Variants in LRRC4C observed in about 807,000 individuals in gnomAD.
The protein encoded by LRRC4C is leucine-rich repeat-containing protein 4C.
A neutral mutation model predicts 33.6 loss-of-function variants in LRRC4C; 5 were observed. That is an observed-to-expected ratio of 0.15 (90% confidence interval 0.08 to 0.31). LRRC4C has a LOEUF of 0.31. LRRC4C is among the 10% of genes least tolerant of loss of function. LRRC4C has a pLI of 1.00. For synonymous variants in LRRC4C, 329 were observed against 302.0 expected (o/e 1.09, Z -0.93); for missense variants, 560 against 796.7 (o/e 0.70, Z 3.58).
At chr11:40,249,724 G>T (rs1221814699) in intron 4 of LRRC4C, among the ~76,000 whole-genome samples, 1 of 151,850 alleles carries the variant, frequency 6.6e-6, no homozygotes, top group Non-Finnish European at 1.5e-5. Flanking sequence ...AATACTTAAG[G>T]TCTCTGTTCC....
At chr11:41,069,385 C>T (rs1348703438) in intron 1 of LRRC4C, among the ~76,000 whole-genome samples, 1 of 152,144 alleles carries the variant, frequency 6.6e-6, no homozygotes, top group Non-Finnish European at 1.5e-5. Flanking sequence ...TCTCTCACCA[C>T]TCCTATTCAA....
intron 5 of LRRC4C, among the ~76,000 whole-genome samples, chr11:40,217,034 G>A (rs76919493): frequency 1.3e-5 from 2 of 152,150 alleles, no homozygotes; most frequent in Non-Finnish European, 2.9e-5. Flanking sequence ...GTAAATTAGT[G>A]AAGACTAAAA....
At chr11:40,215,054 TG>T (rs1380635707) in intron 5 of LRRC4C, among the ~76,000 whole-genome samples, 5 of 152,156 alleles carry the variant, frequency 3.3e-5, no homozygotes, top group Non-Finnish European at 7.4e-5. Flanking sequence ...AATCTGCCAC[TG>T]GGTGCCAAAT....
intron 1 of LRRC4C, among the ~76,000 whole-genome samples, chr11:41,417,515 C>T (rs77333417): frequency 0.032 from 4,805 of 152,090 alleles, 288 homozygotes; most frequent in African/African-American, 0.11. Context: ...AAAACCACTA[C>T]GGAAGAGTTT....
intron 6 of LRRC4C, among the ~76,000 whole-genome samples, chr11:40,129,854 C>T (rs1856525558): frequency 6.6e-6 from 1 of 152,112 alleles, no homozygotes; most frequent in South Asian, 2.1e-4. Context: ...AACAAAAAGT[C>T]AAATCTACTT....
At chr11:40,264,098 TA>T (rs1362411548) in intron 4 of LRRC4C, among the ~76,000 whole-genome samples, 2 of 152,174 alleles carry the variant, frequency 1.3e-5, no homozygotes, top group Non-Finnish European at 2.9e-5. Flanking sequence ...TAACTATGTA[TA>T]AAGAACTAGA....
At chr11:41,014,579 A>G (rs563790795) in intron 1 of LRRC4C, among the ~76,000 whole-genome samples, 2 of 152,080 alleles carry the variant, frequency 1.3e-5, no homozygotes, top group East Asian at 3.9e-4. Context: ...AATGGAAGAT[A>G]AACCTGGAGG....
intron 2 of LRRC4C, among the ~76,000 whole-genome samples, chr11:40,805,651 G>C (rs568346176): frequency 6.6e-6 from 1 of 152,156 alleles, no homozygotes; most frequent in East Asian, 1.9e-4. Flanking sequence ...CTCTTCCCAA[G>C]TCTCTTGTTG....
intron 5 of LRRC4C, among the ~76,000 whole-genome samples, chr11:40,200,879 A>G (rs527533255): frequency 6.6e-6 from 1 of 152,200 alleles, no homozygotes; most frequent in South Asian, 2.1e-4. Flanking sequence ...TTGGTAAGTC[A>G]GGTAAAGCTG....
intron 1 of LRRC4C, among the ~76,000 whole-genome samples, chr11:41,273,570 T>C (rs1372773163): frequency 4.6e-5 from 7 of 152,126 alleles, no homozygotes; most frequent in African/African-American, 1.7e-4. Context: ...AAGAAAAGAA[T>C]GGTAATTTCC....
intron 2 of LRRC4C, among the ~76,000 whole-genome samples, chr11:40,857,225 G>A (rs7929763): frequency 0.16 from 23,894 of 152,020 alleles, 3,947 homozygotes; most frequent in African/African-American, 0.42. Flanking sequence ...CAAATTCCAG[G>A]ATACATGTGC....
At chr11:41,347,687 T>C (rs139651147) in intron 1 of LRRC4C, among the ~76,000 whole-genome samples, 1 of 152,288 alleles carries the variant, frequency 6.6e-6, no homozygotes, top group East Asian at 1.9e-4. Flanking sequence ...ATAAAGATGT[T>C]GATAAAAATG....
intron 2 of LRRC4C, among the ~76,000 whole-genome samples, chr11:40,741,324 A>G (rs140954489): frequency 1.3e-5 from 2 of 152,146 alleles, no homozygotes; most frequent in African/African-American, 4.8e-5. Flanking sequence ...TAGGGAACAT[A>G]TATGTACCCC....
rs191192672 is a variant in LRRC4C, at chr11:41,279,923, T to G, written c.-496+179508A>C. On this transcript the variant is annotated intron_variant, in intron 1 of 6. Coordinates refer to ENST00000528697, the MANE Select transcript of LRRC4C (RefSeq NM_001258419.2). ...TTATATCATTATATCAAATATGAAC[T>G]GAAACATTATTTCCTTAGAGAAGGC... Among the ~76,000 whole-genome samples the G allele has an allele frequency of 4.3e-3, 647 of 152,012 alleles. 1 individual carries two copies. The highest frequency in any genetic ancestry group is 6.1e-3 in the Non-Finnish European group (414 of 67,944).
intron 1 of LRRC4C, among the ~76,000 whole-genome samples, chr11:41,138,955 A>G (rs1565418500): frequency 6.6e-6 from 1 of 152,162 alleles, no homozygotes; most frequent in Non-Finnish European, 1.5e-5. Context: ...TTCCCCAATA[A>G]AAGCCATGTT....
intron 1 of LRRC4C, among the ~76,000 whole-genome samples, chr11:41,363,954 T>A (rs1591357376): frequency 6.6e-6 from 1 of 152,218 alleles, no homozygotes; most frequent in Middle Eastern, 3.4e-3. Flanking sequence ...TTTATAAGGT[T>A]CCCACTCAAA....
chr11:40,559,982 T>A (rs2135498946), intron 3 of LRRC4C, among the ~76,000 whole-genome samples: 1 of 152,280 alleles, frequency 6.6e-6, no homozygotes, highest in Non-Finnish European at 1.5e-5. Flanking sequence ...GTGAAGAAAT[T>A]ATCTCCTGAG....
At chr11:40,865,322 T>C (rs1013250755) in intron 2 of LRRC4C, among the ~76,000 whole-genome samples, 1 of 152,054 alleles carries the variant, frequency 6.6e-6, no homozygotes, top group African/African-American at 2.4e-5. Flanking sequence ...GTTGGGGAGA[T>C]GCTGGTTAAA....
chr11:41,301,134 C>A (rs537340517), intron 1 of LRRC4C, among the ~76,000 whole-genome samples: 1 of 152,284 alleles, frequency 6.6e-6, no homozygotes, highest in African/African-American at 2.4e-5. Flanking sequence ...TTATTCACAG[C>A]CCACTGTGTA....
Sources: allele counts gnomAD v4.1 joint callset (sites outside exome capture counted in the v4.1 genomes callset), GRCh38; gene constraint gnomAD v4.1.1; transcripts MANE v1.5; gene names NCBI Gene and HGNC (gene_info 2026-07-23, HGNC 2026-07-21).